The following JAZF1 variants were observed in gnomAD, a reference collection of about 807,000 sequenced individuals.
JAZF1 encodes juxtaposed with another zinc finger protein 1.
Under a neutral mutation model 26.4 loss-of-function variants are expected in JAZF1, and 8 were observed. The observed-to-expected ratio is 0.30, with a 90% CI of 0.18 to 0.55. The LOEUF is 0.55. JAZF1 is among the 20% of genes least tolerant of loss of function. JAZF1 has a pLI of 0.94. For synonymous variants in JAZF1, 126 were observed against 122.3 expected (o/e 1.03, Z -0.20); for missense variants, 199 against 322.0 (o/e 0.62, Z 2.92).
rs116728131 is a variant in JAZF1, at chr7:27,960,826, A to G, written c.188+31083T>C. 5.4e-3 allele frequency among the ~76,000 whole-genome samples: 821 copies of G among 152,340 alleles called. 10 individuals carry two copies. Among genetic ancestry groups the G allele is most frequent in the African/African-American group, 0.019 (781 of 41,586 alleles). ...GAGAAAAGTGCAGGAAGGTACGCAG[A>G]CAAGGAAGGAATGGCAAGGGAAGCA... On this transcript the variant is annotated intron_variant, in intron 2 of 4. Coordinates refer to ENST00000283928, the MANE Select transcript of JAZF1 (RefSeq NM_175061.4).
Position 27,896,337 on chromosome 7 carries a change from T to C in JAZF1, c.189-921A>G, listed in dbSNP as rs758412288. ...AATGGTATCTCCTACCTAAAGAACA[T>C]TCACCTTTTCATATTGGCAGGCAAA... On this transcript the variant is annotated intron_variant, in intron 2 of 4. Transcript: ENST00000283928. Among the ~76,000 whole-genome samples, 66 of 152,270 alleles carry C rather than the reference T, an allele frequency of 4.3e-4. 1 individual carries two copies. Among genetic ancestry groups the C allele is most frequent in the Non-Finnish European group, 7.2e-4 (49 of 68,008 alleles).
chr7:27,968,492 A>T (rs1379965759), intron 2 of JAZF1, among the ~76,000 whole-genome samples: 2 of 152,246 alleles, frequency 1.3e-5, no homozygotes, highest in Non-Finnish European at 2.9e-5. Flanking sequence ...ACAGTTTTCC[A>T]ATTTAAATTA....
intron 1 of JAZF1, among the ~76,000 whole-genome samples, chr7:28,033,860 C>T (rs912302213): frequency 6.6e-6 from 1 of 152,140 alleles, no homozygotes; most frequent in Non-Finnish European, 1.5e-5. Context: ...CTCCCTGCCT[C>T]AGCCTCCTGA....
chr7:27,874,461 A>C (rs1261561779), intron 3 of JAZF1, among the ~76,000 whole-genome samples: 6 of 152,158 alleles, frequency 3.9e-5, no homozygotes, highest in Non-Finnish European at 8.8e-5. Context: ...CGAGAGCAGG[A>C]AGTGCCATAA....
At chr7:28,106,845 C>T (rs1240370950) in intron 1 of JAZF1, among the ~76,000 whole-genome samples, 4 of 152,176 alleles carry the variant, frequency 2.6e-5, no homozygotes, top group Non-Finnish European at 5.9e-5. Flanking sequence ...ATTCCACTGA[C>T]TTAGGAAACA....
chr7:28,011,747 C>T (rs1280100100), intron 1 of JAZF1, among the ~76,000 whole-genome samples: 2 of 152,138 alleles, frequency 1.3e-5, no homozygotes, highest in Non-Finnish European at 2.9e-5. Context: ...AGCATGGGCC[C>T]TCATAAAAAA....
intron 1 of JAZF1, among the ~76,000 whole-genome samples, chr7:28,003,253 A>C (rs543019298): frequency 6.6e-6 from 1 of 152,218 alleles, no homozygotes; most frequent in African/African-American, 2.4e-5. Flanking sequence ...TTAAAAATGT[A>C]TCATACTAAG....
At chr7:27,981,040 T>C (rs1158433226) in intron 2 of JAZF1, among the ~76,000 whole-genome samples, 2 of 152,186 alleles carry the variant, frequency 1.3e-5, no homozygotes, top group African/African-American at 4.8e-5. Context: ...GCACTAGAAA[T>C]CCTGTATGAG....
chr7:27,963,578 T>C (rs1785222140), intron 2 of JAZF1, among the ~76,000 whole-genome samples: 3 of 143,154 alleles, frequency 2.1e-5, no homozygotes, highest in Non-Finnish European at 4.6e-5. Flanking sequence ...CCTTTTTTTT[T>C]GGAGACAGGG....
intron 1 of JAZF1, among the ~76,000 whole-genome samples, chr7:28,110,061 T>C (rs1318270807): frequency 6.6e-6 from 1 of 152,170 alleles, no homozygotes; most frequent in East Asian, 1.9e-4. Context: ...AAAACATTCA[T>C]TTGACTCCTG....
At chr7:27,991,636 A>G (rs890179186) in intron 2 of JAZF1, among the ~76,000 whole-genome samples, 1 of 152,210 alleles carries the variant, frequency 6.6e-6, no homozygotes, top group African/African-American at 2.4e-5. Context: ...CTGCCCTATG[A>G]AGTCAAAAGA....
At position 28,056,027 on chromosome 7, in the gene JAZF1, C is replaced by A. The variant is rs79696131; in HGVS notation, c.116-64046G>T. Among the ~76,000 whole-genome samples the A allele has an allele frequency of 9.1e-3, 1,379 of 152,246 alleles. 19 individuals are homozygous for A. Among genetic ancestry groups the A allele is most frequent in the African/African-American group, 0.031 (1,278 of 41,524 alleles). On this transcript the variant is annotated intron_variant, in intron 1 of 4. Transcript: ENST00000283928. ...ACAGCTACATAGTAGCCTGTTCTCT[C>A]TTTCTGCTTTCCATTCTTTGTGAAC...
At chr7:27,992,996 G>C (rs1785934241) in intron 1 of JAZF1, among the ~76,000 whole-genome samples, 1 of 152,154 alleles carries the variant, frequency 6.6e-6, no homozygotes, top group Non-Finnish European at 1.5e-5. Flanking sequence ...AGGTGATGGG[G>C]GGAGGGAAGC....
intron 1 of JAZF1, among the ~76,000 whole-genome samples, chr7:28,081,930 C>T (rs1784143429): frequency 6.6e-6 from 1 of 152,120 alleles, no homozygotes; most frequent in South Asian, 2.1e-4. Context: ...CTGGATGATA[C>T]TAGAGTTTAA....
chr7:27,888,781 C>G (rs1783915160), intron 3 of JAZF1, among the ~76,000 whole-genome samples: 1 of 151,984 alleles, frequency 6.6e-6, no homozygotes, highest in Non-Finnish European at 1.5e-5. Flanking sequence ...ACAAGAAAAC[C>G]TAAAAATTGG....
chr7:28,157,421 T>TA (rs1171765555), intron 1 of JAZF1, among the ~76,000 whole-genome samples: 3 of 152,256 alleles, frequency 2.0e-5, no homozygotes, highest in Non-Finnish European at 4.4e-5. Flanking sequence ...ACAGACGGTA[T>TA]AAAAATAAGG....
At chr7:27,945,676 A>G (rs1227838225) in intron 2 of JAZF1, among the ~76,000 whole-genome samples, 4 of 152,224 alleles carry the variant, frequency 2.6e-5, no homozygotes, top group African/African-American at 9.6e-5. Context: ...TGTTAGGCAG[A>G]ATCCTAGACT....
rs1279333326 is a variant in JAZF1 at position 28,000,622 on chromosome 7, C to CTTTCTT, written c.116-8642_116-8641insAAGAAA. Among the ~76,000 whole-genome samples, 36 of 62,070 alleles carry CTTTCTT rather than the reference C, an allele frequency of 5.8e-4. 1 individual carries two copies. The highest frequency in any genetic ancestry group is 1.4e-3 in the African/African-American group (35 of 24,478). 40.7% of individuals were successfully genotyped at this position (62,070 alleles called of 152,430 possible). ...TTTTTCTTTCTTTCTTTCTTTCTTT[C>CTTTCTT]TTTTTTTTTTTTTTTTTTGAGACAA... On this transcript the variant is annotated intron_variant, in intron 1 of 4. Transcript: ENST00000283928.
intron 3 of JAZF1, among the ~76,000 whole-genome samples, chr7:27,875,801 C>CA (rs774663616): frequency 9.2e-5 from 14 of 152,204 alleles, no homozygotes; most frequent in Non-Finnish European, 2.1e-4. Flanking sequence ...AGTAAGCACT[C>CA]AGATGTTTGT....
Sources: gnomAD v4.1 joint callset for allele counts (sites outside exome capture counted in the v4.1 genomes callset) on GRCh38, gnomAD v4.1.1 for gene constraint, MANE v1.5 for transcripts, NCBI Gene and HGNC (gene_info 2026-07-23, HGNC 2026-07-21) for gene names.